CTNNA2: variants seen among roughly 807,000 people sequenced by gnomAD.
The protein encoded by CTNNA2 is catenin alpha 2, also known as catenin alpha-2.
A neutral mutation model predicts 101.0 loss-of-function variants in CTNNA2; 42 were observed. The ratio of observed to expected loss-of-function variants is 0.42; its 90% CI spans 0.32 to 0.54. The LOEUF (loss-of-function observed/expected upper bound fraction) is 0.54. CTNNA2 is among the 20% of genes least tolerant of loss of function. The probability of loss-of-function intolerance (pLI) is 0.14; values close to 1 mark genes in which losing one functional copy is unlikely to be tolerated. For synonymous variants in CTNNA2, 450 were observed against 456.4 expected, an observed-to-expected ratio of 0.99 and a Z score of 0.18; for missense variants, 871 against 1,223.1, an observed-to-expected ratio of 0.71 and a Z score of 4.29.
rs900991905 is a variant in CTNNA2, at chr2:79,743,544, T to A, written c.103-843T>A. On this transcript the variant is annotated intron_variant, in intron 2 of 18. Transcript: ENST00000402739. The stretch of plus-strand genomic sequence containing the variant: ...TTTTATTTATTTTATTTATTTTTTT[T>A]TTTTTTGAGACGAAGTCTTGCTCTT... Among the ~76,000 whole-genome samples the A allele has an allele frequency of 2.2e-4, 33 of 148,618 alleles. 1 individual carries two copies. In the South Asian group the frequency reaches 5.2e-3, roughly 24 times the overall value.
intron 1 of CTNNA2, among the ~76,000 whole-genome samples, chr2:79,596,311 G>A (rs1397898215): frequency 6.6e-6 from 1 of 152,010 alleles, no homozygotes; most frequent in Non-Finnish European, 1.5e-5. Context: ...GGAGCTCAGA[G>A]TCAAGGTAGG....
chr2:80,178,059 C>A (rs1705511475), intron 7 of CTNNA2, among the ~76,000 whole-genome samples: 1 of 152,198 alleles, frequency 6.6e-6, no homozygotes. Flanking sequence ...CCCTTGTCAC[C>A]TTTTCCTCTG....
chr2:79,661,058 C>T (rs983962646), intron 2 of CTNNA2, among the ~76,000 whole-genome samples: 1 of 152,032 alleles, frequency 6.6e-6, no homozygotes, highest in Non-Finnish European at 1.5e-5. Flanking sequence ...CTCTAGCTCC[C>T]TGTCTTTTGT....
At chr2:79,978,714 G>A (rs1691044698) in intron 7 of CTNNA2, among the ~76,000 whole-genome samples, 1 of 152,146 alleles carries the variant, frequency 6.6e-6, no homozygotes, top group Non-Finnish European at 1.5e-5. Context: ...CTGATGAGGA[G>A]CAGTTGGAAA....
chr2:80,096,298 A>G lies in CTNNA2; in HGVS notation c.1056+186501A>G, dbSNP rs543515680. 2.0e-5 allele frequency among the ~76,000 whole-genome samples: 3 copies of G among 152,250 alleles called. No individual in the cohort carries two copies. The East Asian group carries it at 5.8e-4, about 29-fold the overall frequency. On this transcript the variant is annotated intron_variant, in intron 7 of 18. Transcript: ENST00000402739. ...TTCAGGAGCAGGTTGTTCAGTTTCC[A>G]TGTAGTTGAGCGGTTTTGACTGAGT...
chr2:80,274,279 A>T (rs990882934), intron 7 of CTNNA2, among the ~76,000 whole-genome samples: 2 of 152,208 alleles, frequency 1.3e-5, no homozygotes, highest in Middle Eastern at 3.2e-3. Context: ...ATTCAGCCAG[A>T]GACTGTCCTT....
chr2:79,246,122 G>A (rs528387026), intron 2 of CTNNA2, among the ~76,000 whole-genome samples: 2 of 152,282 alleles, frequency 1.3e-5, no homozygotes, highest in South Asian at 4.1e-4. Context: ...GCTCAAGATT[G>A]GGAAATATGA....
chr2:79,956,164 C>G (rs1377506609), intron 7 of CTNNA2, among the ~76,000 whole-genome samples: 1 of 152,086 alleles, frequency 6.6e-6, no homozygotes, highest in Non-Finnish European at 1.5e-5. Context: ...TCCCTGTTGC[C>G]TCCACTCCTG....
chr2:80,047,276 G>T (rs1184523607), intron 7 of CTNNA2, among the ~76,000 whole-genome samples: 1 of 152,162 alleles, frequency 6.6e-6, no homozygotes, highest in Admixed American at 6.5e-5. Flanking sequence ...TAAAATATTA[G>T]TCCATCAGTC....
intron 7 of CTNNA2, among the ~76,000 whole-genome samples, chr2:79,985,858 G>A (rs1165793267): frequency 2.0e-5 from 3 of 152,114 alleles, no homozygotes; most frequent in African/African-American, 7.2e-5. Flanking sequence ...TCATACCAGG[G>A]CAAGTGCAAA....
intron 1 of CTNNA2, among the ~76,000 whole-genome samples, chr2:79,573,365 ATTAAAG>A (rs1345517557): frequency 6.6e-6 from 1 of 152,208 alleles, no homozygotes; most frequent in Non-Finnish European, 1.5e-5. Flanking sequence ...CCCAAATGCA[ATTAAAG>A]ATATCTCCTG....
At position 80,574,251 on chromosome 2, in the gene CTNNA2, C is replaced by T. The variant is rs866828727; in HGVS notation, c.1830C>T (p.Ile610=). 18 of 1,613,674 alleles carry T rather than the reference C, an allele frequency of 1.1e-5. No homozygotes were observed. Among genetic ancestry groups the T allele is most frequent in the East Asian group, 6.7e-5 (3 of 44,866 alleles). The change falls in exon 13 of 19, where the codon ATC becomes ATT. Residue 610 remains isoleucine, a synonymous_variant. Transcript: ENST00000402739. ...AACCGTTTGAGGAGAATGAGTTCAT[C>T]GATGCCTCTCGCCTGGTGTATGATG... ...VPQPFEENEF[I]DASRLVYDGV...
chr2:80,545,700 T>C (rs1217221919), intron 10 of CTNNA2, among the ~76,000 whole-genome samples: 1 of 152,236 alleles, frequency 6.6e-6, no homozygotes, highest in Non-Finnish European at 1.5e-5. Flanking sequence ...CGAGGCAAAC[T>C]ATTATGTCTT....
intron 7 of CTNNA2, among the ~76,000 whole-genome samples, chr2:80,275,292 C>T (rs1295851054): frequency 1.3e-5 from 2 of 152,142 alleles, no homozygotes; most frequent in African/African-American, 4.8e-5. Flanking sequence ...TCAGGATCTC[C>T]CACATTGGTC....
intron 7 of CTNNA2, among the ~76,000 whole-genome samples, chr2:80,196,089 G>A (rs1438099799): frequency 2.0e-5 from 3 of 152,122 alleles, no homozygotes; most frequent in South Asian, 4.1e-4. Flanking sequence ...CTTTGAATGT[G>A]TCATTTTACC....
intron 7 of CTNNA2, among the ~76,000 whole-genome samples, chr2:79,963,091 A>T (rs921139710): frequency 5.3e-5 from 8 of 151,800 alleles, no homozygotes; most frequent in African/African-American, 1.9e-4. Flanking sequence ...AAAAAAAAAA[A>T]AAAAATGTTA....
chr2:79,831,190 A>C (rs1449534737), intron 3 of CTNNA2, among the ~76,000 whole-genome samples: 1 of 152,172 alleles, frequency 6.6e-6, no homozygotes, highest in Non-Finnish European at 1.5e-5. Context: ...AGTTTCTACC[A>C]GTAGATTAAG....
chr2:79,689,455 A>G (rs2104690472), intron 2 of CTNNA2, among the ~76,000 whole-genome samples: 1 of 152,166 alleles, frequency 6.6e-6, no homozygotes, highest in Non-Finnish European at 1.5e-5. Flanking sequence ...ATAATGCATT[A>G]AGATGCCATG....
intron 7 of CTNNA2, among the ~76,000 whole-genome samples, chr2:80,170,874 G>A (rs762058109): frequency 6.6e-6 from 1 of 152,006 alleles, no homozygotes; most frequent in Non-Finnish European, 1.5e-5. Flanking sequence ...ACACTGAAAG[G>A]GTACAACTTT....
Sources: allele counts gnomAD v4.1 joint callset (sites outside exome capture counted in the v4.1 genomes callset), GRCh38; gene constraint gnomAD v4.1.1; transcripts MANE v1.5; gene names NCBI Gene and HGNC (gene_info 2026-07-23, HGNC 2026-07-21).